AHNAK: variants seen among roughly 807,000 people sequenced by gnomAD.
The protein encoded by AHNAK is AHNAK nucleoprotein, also known as neuroblast differentiation-associated protein AHNAK.
A neutral mutation model predicts 37.8 loss-of-function variants in AHNAK; 23 were observed. The ratio of observed to expected loss-of-function variants is 0.61; its 90% CI spans 0.44 to 0.86. The LOEUF (loss-of-function observed/expected upper bound fraction) is 0.86, where lower values mean the gene tolerates loss of function less well. AHNAK is among the 40% of genes least tolerant of loss of function. AHNAK has a pLI of 0.00. For synonymous variants in AHNAK, 2,481 were observed against 2,636.3 expected (o/e 0.94, Z 1.80); for missense variants, 7,411 against 7,319.4 (o/e 1.01, Z -0.46).
rs774061065 is a variant in AHNAK, at chr11:62,528,363, C to T, written c.6054G>A (p.Met2018Ile). The change falls in exon 5 of 5, where the codon ATG (methionine) becomes ATA (isoleucine). Residue 2018 changes from methionine to isoleucine, a missense_variant. By Grantham distance (10) the Met-to-Ile change is conservative. Coordinates refer to ENST00000378024, the MANE Select transcript of AHNAK (RefSeq NM_001620.3). ...CTTTGATGTCAACATCTGGCACTTTCATTTCACCTTCTACCTTGGGCACAG... is the reference window on the plus strand; with the variant it reads ...CTTTGATGTCAACATCTGGCACTTTTATTTCACCTTCTACCTTGGGCACAG... ...DVSVPKVEGE[M>I]KVPDVDIKGP... The T allele has an allele frequency of 1.9e-6, 3 of 1,613,212 alleles. No homozygotes were observed. The highest frequency in any genetic ancestry group is 1.1e-5 in the South Asian group (1 of 91,056).
intron 5 of AHNAK, among the ~76,000 whole-genome samples, chr11:62,460,194 C>T (rs1171291432): frequency 6.6e-6 from 1 of 151,318 alleles, no homozygotes; most frequent in African/African-American, 2.4e-5. Context: ...GGCTGAGGCA[C>T]GAGACTCGCT....
intron 5 of AHNAK, among the ~76,000 whole-genome samples, chr11:62,448,132 C>T (rs928865007): frequency 2.0e-5 from 3 of 152,022 alleles, no homozygotes; most frequent in African/African-American, 7.3e-5. Flanking sequence ...AAAGACATGG[C>T]GTGTGGGGAC....
chr11:62,467,752 G>A (rs559106759), intron 5 of AHNAK, among the ~76,000 whole-genome samples: 1 of 152,280 alleles, frequency 6.6e-6, no homozygotes, highest in Non-Finnish European at 1.5e-5. Flanking sequence ...CATCTTAGCT[G>A]TGATTGGTTT....
chr11:62,480,424 G>A (rs1939244151), intron 5 of AHNAK, among the ~76,000 whole-genome samples: 1 of 152,068 alleles, frequency 6.6e-6, no homozygotes, highest in Admixed American at 6.6e-5. Flanking sequence ...CACTTTGGGA[G>A]GCCGAGGTGG....
Position 62,518,383 on chromosome 11 carries a change from A to C in AHNAK, c.16034T>G (p.Val5345Gly). 6.2e-7 allele frequency: 1 copy of C among 1,614,036 alleles called. No individual in the cohort carries two copies. Among genetic ancestry groups the C allele is most frequent in the Non-Finnish European group, 8.5e-7 (1 of 1,179,996 alleles). ...TGTGGCATCGATCCCTGGCACTTTCACACCGTCTCCTCCCACCTGCATTTT... is the reference window on the plus strand; with the variant it reads ...TGTGGCATCGATCCCTGGCACTTTCCCACCGTCTCCTCCCACCTGCATTTT... Reference protein sequence around the residue: ...GGKMQVGGDGVKVPGIDATTK... With the variant: ...GGKMQVGGDGGKVPGIDATTK... Residue 5345 changes from valine (V) to glycine (G), a missense_variant, in exon 5 of 5, where the codon GTG (valine) becomes GGG (glycine). Val to Gly is a moderately radical substitution (Grantham distance 109). Transcript: ENST00000378024.
At chr11:62,513,460 G>A (rs112491971), downstream of AHNAK, among the ~76,000 whole-genome samples, 10,719 of 152,124 alleles carry the variant, frequency 0.07, 810 homozygotes, top group African/African-American at 0.19. Context: ...TCTTGAACCC[G>A]GGAGGCGGAG....
At chr11:62,465,326 G>A (rs1297352) in intron 5 of AHNAK, among the ~76,000 whole-genome samples, 59,147 of 152,028 alleles carry the variant, frequency 0.39, 13,304 homozygotes, top group South Asian at 0.67. Flanking sequence ...AAATTTTACC[G>A]TGCGGTCGCT....
At position 62,532,045 on chromosome 11, in the gene AHNAK, TC is replaced by T; in HGVS notation, c.2371del (p.Asp791MetfsTer2). 6.2e-7 allele frequency: 1 copy of T among 1,613,016 alleles called. No homozygotes were observed. Among genetic ancestry groups the T allele is most frequent in the Non-Finnish European group, 8.5e-7 (1 of 1,179,844 alleles). ...CCCTTCTGGTTCCTCAATGCTCACA[TC>T]AGGAGCAGTAACATCTATCTTGGGC... ...SGPKIDVTAPDVSIEEPEGKL... is the reference protein window; with the variant it reads ...SGPKIDVTAPXVSIEEPEGKL... On this transcript the variant is annotated frameshift_variant, in exon 5 of 5. Transcript: ENST00000378024. LOFTEE classifies it low-confidence loss of function (END_TRUNC).
Position 62,527,170 on chromosome 11 carries a change from T to C in AHNAK, c.7247A>G (p.Lys2416Arg), listed in dbSNP as rs746822742. 1.9e-6 allele frequency: 3 copies of C among 1,611,508 alleles called. No homozygotes were observed. Among genetic ancestry groups the C allele is most frequent in the Non-Finnish European group, 2.5e-6 (3 of 1,178,958 alleles). ...CCCACTGACATCCACATGTGGCCCTTTAAGGTCCCCTTCCAATTTGGGAAC... is the reference window on the plus strand; with the variant it reads ...CCCACTGACATCCACATGTGGCCCTCTAAGGTCCCCTTCCAATTTGGGAAC... ...VDVPKLEGDLKGPHVDVSGPD... is the reference protein window; with the variant it reads ...VDVPKLEGDLRGPHVDVSGPD... Residue 2416 changes from lysine to arginine, a missense_variant, in exon 5 of 5, where the codon AAA (lysine) becomes AGA (arginine). By Grantham distance (26) the Lys-to-Arg change is conservative. Transcript: ENST00000378024.
At chr11:62,493,692 A>G (rs896630456) in intron 4 of AHNAK, among the ~76,000 whole-genome samples, 1 of 151,596 alleles carries the variant, frequency 6.6e-6, no homozygotes, top group Non-Finnish European at 1.5e-5. Context: ...GCTGGTCTTG[A>G]ACTCCTGGGC....
rs1940213457 is a variant in AHNAK at position 62,520,892 on chromosome 11, T to A, written c.13525A>T (p.Met4509Leu). 7 of 1,614,224 alleles carry A rather than the reference T, an allele frequency of 4.3e-6. No individual in the cohort carries two copies. Among genetic ancestry groups the A allele is most frequent in the Non-Finnish European group, 5.9e-6 (7 of 1,180,036 alleles). Residue 4509 changes from methionine to leucine, a missense_variant, in exon 5 of 5, where the codon ATG (methionine) becomes TTG (leucine). Physicochemically the swap from Met to Leu is conservative, Grantham distance 15. Coordinates refer to ENST00000378024, the MANE Select transcript of AHNAK (RefSeq NM_001620.3). The part of the protein sequence containing the change: ...EGKLKGPKFK[M>L]PDVHFKSPQI... ...GGGCTTTTGAAATGTACATCAGGCA[T>A]CTTAAACTTGGGACCTTTGAGCTTC...
At position 62,525,480 on chromosome 11, in the gene AHNAK, G is replaced by A. The variant is rs150176979; in HGVS notation, c.8937C>T (p.Gly2979=). 1,048 of 1,610,860 alleles carry A rather than the reference G, an allele frequency of 6.5e-4. 3 individuals carry two copies. The African/African-American group carries it at 9.6e-3, about 15-fold the overall frequency. ...CTTTGGGCAGAGAAATATCCACATC[G>A]CCCTTCACCTTGGGACCTTTCAGAT... ...DLHLKGPKVK[G]DVDISLPKVE... is the part of the protein sequence containing the mutation. Residue 2979 remains glycine (G), a synonymous_variant, in exon 5 of 5, where the codon GGC becomes GGT. Transcript: ENST00000378024.
At chr11:62,468,868 T>G (rs560718306) in intron 5 of AHNAK, among the ~76,000 whole-genome samples, 1 of 152,372 alleles carries the variant, frequency 6.6e-6, no homozygotes, top group East Asian at 1.9e-4. Context: ...TCTCTGTTTC[T>G]GCTTTCCTCA....
At position 62,519,325 on chromosome 11, in the gene AHNAK, C is replaced by T; in HGVS notation, c.15092G>A (p.Ser5031Asn). ...SKFKMPKIHMSGPKIKAKKQG... is the reference protein window; with the variant it reads ...SKFKMPKIHMNGPKIKAKKQG... ...TTTTTTGGCCTTAATCTTAGGACCA[C>T]TCATATGAATTTTAGGCATTTTAAA... Residue 5031 changes from serine (S) to asparagine (N), a missense_variant, in exon 5 of 5, where the codon AGT becomes AAT. Coordinates refer to ENST00000378024, the MANE Select transcript of AHNAK (RefSeq NM_001620.3). The T allele has an allele frequency of 6.2e-7, 1 of 1,614,180 alleles. No homozygotes were observed. Among genetic ancestry groups the T allele is most frequent in the Non-Finnish European group, 8.5e-7 (1 of 1,180,046 alleles).
intron 4 of AHNAK, among the ~76,000 whole-genome samples, chr11:62,502,960 T>G (rs1036462628): frequency 1.3e-5 from 2 of 152,160 alleles, no homozygotes; most frequent in Non-Finnish European, 2.9e-5. Flanking sequence ...GGCTGAGACA[T>G]GTAGTGTTCG....
In AHNAK at chr11:62,523,831, G is replaced by T. The variant is rs761410765; in HGVS notation, c.10586C>A (p.Pro3529His). ...ATTCATGTCAGGCATCTTGAATTTG[G>T]GACCTTTCAAGCCTCCCTCCGGACC... ...VEGPEGGLKG[P>H]KFKMPDMNIK... The change falls in exon 5 of 5, where the codon CCC becomes CAC. Residue 3529 changes from proline to histidine, a missense_variant. Coordinates refer to ENST00000378024, the MANE Select transcript of AHNAK (RefSeq NM_001620.3). The T allele has an allele frequency of 6.2e-7, 1 of 1,614,122 alleles. No individual in the cohort carries two copies. Among genetic ancestry groups the T allele is most frequent in the Non-Finnish European group, 8.5e-7 (1 of 1,180,032 alleles).
In AHNAK at chr11:62,518,136, T is replaced by C. The variant is rs765538901; in HGVS notation, c.16281A>G (p.Pro5427=). ...GCCCCTTCAGTTCGCCAGAAACCTG[T>C]GGCCCCTTGGCATTGACGTGCAAGT... ...GSDLHVNAKG[P]QVSGELKGPG... is the part of the protein sequence containing the mutation. Residue 5427 remains proline (P), a synonymous_variant, in exon 5 of 5, where the codon CCA becomes CCG. Transcript: ENST00000378024. The C allele has an allele frequency of 1.2e-6, 2 of 1,614,194 alleles. No individual in the cohort carries two copies. The highest frequency in any genetic ancestry group is 1.3e-5 in the African/African-American group (1 of 75,050).
chr11:62,442,173 T>C (rs1191861467), intron 5 of AHNAK, among the ~76,000 whole-genome samples: 1 of 152,220 alleles, frequency 6.6e-6, no homozygotes, highest in Non-Finnish European at 1.5e-5. Context: ...TTTCAATGTC[T>C]GTCAGCAAAA....
In AHNAK at chr11:62,483,046, T is replaced by A. The variant is rs578166685; in HGVS notation, c.442+8686A>T. On this transcript the variant is annotated intron_variant, in intron 5 of 5. Coordinates refer to the AHNAK transcript ENST00000257247. Reference sequence around the variant, plus strand: ...AAGGACAATCATTTGAACGACATGGTTTCACACCAAGAAGCACTGCCTGGA... The same window carrying A: ...AAGGACAATCATTTGAACGACATGGATTCACACCAAGAAGCACTGCCTGGA... 2.0e-5 allele frequency among the ~76,000 whole-genome samples: 3 copies of A among 151,968 alleles called. No individual in the cohort carries two copies. The South Asian group carries it at 6.2e-4, about 32-fold the overall frequency.
Sources: gnomAD v4.1 joint callset for allele counts (sites outside exome capture counted in the v4.1 genomes callset) on GRCh38, gnomAD v4.1.1 for gene constraint, MANE v1.5 for transcripts, NCBI Gene and HGNC (gene_info 2026-07-23, HGNC 2026-07-21) for gene names.